The following CALN1 variants were observed in gnomAD, a reference collection of about 807,000 sequenced individuals.
CALN1 encodes the protein calcium-binding protein 8.
In CALN1, 17 loss-of-function variants were observed where a neutral mutation model predicts 30.6. The observed-to-expected ratio is 0.56, with a 90% CI of 0.38 to 0.83. The LOEUF (loss-of-function observed/expected upper bound fraction) is 0.83, where lower values mean the gene tolerates loss of function less well. Ranked by LOEUF, CALN1 falls within the 40% of genes least tolerant of loss-of-function variation. The pLI, the probability that CALN1 is intolerant of heterozygous loss-of-function variation, is 0.00. For missense variants in CALN1, 291 were observed against 354.9 expected, an observed-to-expected ratio of 0.82 and a Z score of 1.45; for synonymous variants, 156 against 131.4, an observed-to-expected ratio of 1.19 and a Z score of -1.28.
chr7:72,054,252 T>C (rs948477344), intron 4 of CALN1, among the ~76,000 whole-genome samples: 27 of 151,900 alleles, frequency 1.8e-4, no homozygotes, highest in Admixed American at 2.6e-4. Flanking sequence ...CTAGTTTACA[T>C]TCCCACCAGC....
At chr7:72,382,226 G>T (rs184280303) in intron 2 of CALN1, among the ~76,000 whole-genome samples, 1 of 152,162 alleles carries the variant, frequency 6.6e-6, no homozygotes, top group Non-Finnish European at 1.5e-5. Flanking sequence ...TATATCCAGG[G>T]AGATTAGCAA....
In CALN1 at chr7:71,866,936, G is replaced by A. The variant is rs549139798; in HGVS notation, c.502-56444C>T. On this transcript the variant is annotated intron_variant, in intron 5 of 6. Coordinates refer to ENST00000395275, the MANE Select transcript of CALN1 (RefSeq NM_031468.4). ...GAAATGAGTGGATCACTTGAGGTCA[G>A]GAGTTCGAGACCAGTCTGGCCAACA... is the stretch of plus-strand genomic sequence containing the variant. 1.4e-4 allele frequency among the ~76,000 whole-genome samples: 22 copies of A among 152,210 alleles called. No individual in the cohort carries two copies. In the South Asian group the frequency reaches 4.6e-3, roughly 32 times the overall value.
the CALN1 span, among the ~76,000 whole-genome samples, chr7:72,461,877 G>A: frequency 6.6e-6 from 1 of 152,096 alleles, no homozygotes; most frequent in Non-Finnish European, 1.5e-5. Flanking sequence ...GCATGGTTGC[G>A]CACGCCTGTA....
At chr7:72,453,638 G>A in the CALN1 span, among the ~76,000 whole-genome samples, 2 of 152,138 alleles carry the variant, frequency 1.3e-5, no homozygotes, top group Non-Finnish European at 2.9e-5. Context: ...TCCAGTTCCT[G>A]TGCAACTAAT....
At chr7:72,336,278 C>CG (rs2129558481) in intron 2 of CALN1, among the ~76,000 whole-genome samples, 1 of 152,234 alleles carries the variant, frequency 6.6e-6, no homozygotes, top group South Asian at 2.1e-4. Context: ...ACCTGGGCTG[C>CG]GGTGCGGCTC....
intron 2 of CALN1, among the ~76,000 whole-genome samples, chr7:72,364,033 C>T (rs2129559953): frequency 6.7e-6 from 1 of 150,046 alleles, no homozygotes; most frequent in African/African-American, 2.5e-5. Context: ...CGGTGCCCGG[C>T]ACAAAATGTG....
At chr7:71,824,823 G>A (rs1461771508) in intron 5 of CALN1, among the ~76,000 whole-genome samples, 1 of 152,134 alleles carries the variant, frequency 6.6e-6, no homozygotes, top group Non-Finnish European at 1.5e-5. Flanking sequence ...TCTTAACCAG[G>A]GAGCAGAATT....
intron 1 of CALN1, among the ~76,000 whole-genome samples, chr7:72,442,528 G>A (rs1025687166): frequency 6.7e-6 from 1 of 148,454 alleles, no homozygotes; most frequent in African/African-American, 2.4e-5. Context: ...ACTTTATGTA[G>A]GGTTGCGCTT....
chr7:72,272,703 C>CA (rs2129553577), intron 3 of CALN1, among the ~76,000 whole-genome samples: 1 of 152,304 alleles, frequency 6.6e-6, no homozygotes, highest in African/African-American at 2.4e-5. Context: ...TACAGTGGCA[C>CA]ATAAGGAAGA....
intron 5 of CALN1, among the ~76,000 whole-genome samples, chr7:71,954,036 G>GCTTT (rs1562932433): frequency 6.6e-6 from 1 of 152,204 alleles, no homozygotes; most frequent in Non-Finnish European, 1.5e-5. Context: ...GAGAATCAGG[G>GCTTT]GTAAAGGCTG....
chr7:72,179,512 G>C (rs1231758481), intron 3 of CALN1, among the ~76,000 whole-genome samples: 1 of 151,954 alleles, frequency 6.6e-6, no homozygotes, highest in Non-Finnish European at 1.5e-5. Flanking sequence ...TTATACATTG[G>C]TAGACTATGT....
intron 5 of CALN1, among the ~76,000 whole-genome samples, chr7:71,978,900 C>T (rs1483974557): frequency 6.6e-6 from 1 of 152,200 alleles, no homozygotes; most frequent in Admixed American, 6.5e-5. Flanking sequence ...GGATCTCTTA[C>T]ATTTCTGTAT....
chr7:72,299,252 A>T (rs1243169369), intron 2 of CALN1, among the ~76,000 whole-genome samples: 1 of 152,146 alleles, frequency 6.6e-6, no homozygotes, highest in East Asian at 1.9e-4. Context: ...CCCTTTGAAA[A>T]TCAGGCAGAG....
intron 3 of CALN1, among the ~76,000 whole-genome samples, chr7:72,223,654 AT>A (rs1056727214): frequency 6.6e-6 from 1 of 152,214 alleles, no homozygotes; most frequent in African/African-American, 2.4e-5. Flanking sequence ...CAGCAAAAAA[AT>A]AAATTGTTCT....
At chr7:72,487,734 A>AAAGAAAGAAAGAAAGG in the CALN1 span, among the ~76,000 whole-genome samples, 6 of 56,608 alleles carry the variant, frequency 1.1e-4, no homozygotes, top group East Asian at 6.9e-4. Context: ...AGAAAGAAAG[A>AAAGAAAGAAAGAAAGG]AAGGAAGGAA....
intron 2 of CALN1, among the ~76,000 whole-genome samples, chr7:72,396,391 C>T (rs1805954988): frequency 6.7e-6 from 1 of 148,568 alleles, no homozygotes. Context: ...CCACTGCACT[C>T]CAGCTTGGGT....
intron 1 of CALN1, among the ~76,000 whole-genome samples, chr7:72,440,627 G>GATC (rs1258448429): frequency 2.0e-5 from 3 of 152,228 alleles, no homozygotes; most frequent in African/African-American, 7.2e-5. Flanking sequence ...AGGAGTTCAA[G>GATC]ATCAGCCTGG....
chr7:72,092,455 T>C (rs1171778954), intron 4 of CALN1, among the ~76,000 whole-genome samples: 2 of 151,736 alleles, frequency 1.3e-5, no homozygotes, highest in Non-Finnish European at 2.9e-5. Flanking sequence ...CACACACACA[T>C]ATATACACAC....
intron 2 of CALN1, among the ~76,000 whole-genome samples, chr7:72,330,365 G>A (rs935903475): frequency 4.0e-5 from 6 of 151,576 alleles, no homozygotes; most frequent in African/African-American, 1.5e-4. Context: ...CTTCCCGGAA[G>A]GCTGAGGCAG....
Sources: gnomAD v4.1 joint callset for allele counts (sites outside exome capture counted in the v4.1 genomes callset) on GRCh38, gnomAD v4.1.1 for gene constraint, MANE v1.5 for transcripts, NCBI Gene and HGNC (gene_info 2026-07-23, HGNC 2026-07-21) for gene names.